GPHN: variants seen among roughly 807,000 people sequenced by gnomAD.
GPHN encodes gephyrin.
Under a neutral mutation model 95.5 loss-of-function variants are expected in GPHN, and 17 were observed. The ratio of observed to expected loss-of-function variants is 0.18; its 90% confidence interval spans 0.12 to 0.27. The LOEUF (loss-of-function observed/expected upper bound fraction) is 0.27. Ranked by LOEUF, GPHN falls within the 10% of genes least tolerant of loss-of-function variation. GPHN has a pLI of 1.00. For missense variants in GPHN, 660 were observed against 978.1 expected (o/e 0.67, Z 4.34); for synonymous variants, 320 against 322.5 (o/e 0.99, Z 0.08).
At chr14:67,639,715 G>A in the GPHN span, among the ~76,000 whole-genome samples, 1 of 152,100 alleles carries the variant, frequency 6.6e-6, no homozygotes, top group East Asian at 1.9e-4. Context: ...GCGGTCAGGA[G>A]TTCGAGACCA....
chr14:66,515,001 C>T (rs1182847124), intron 1 of GPHN, among the ~76,000 whole-genome samples: 10 of 151,894 alleles, frequency 6.6e-5, no homozygotes, highest in Non-Finnish European at 8.8e-5. Context: ...TTTTCTTCTC[C>T]GAAATGAAGA....
chr14:67,077,898 G>C (rs1266896939), intron 11 of GPHN, among the ~76,000 whole-genome samples: 1 of 152,132 alleles, frequency 6.6e-6, no homozygotes, highest in Non-Finnish European at 1.5e-5. Context: ...TCTACCGCCT[G>C]AGATCACTTA....
At chr14:67,353,161 A>G in the GPHN span, 1 of 716,188 alleles carries the variant, frequency 1.4e-6, no homozygotes. Context: ...GAGACTATAT[A>G]GAGAATTTGT....
chr14:67,476,864 G>A, the GPHN span, among the ~76,000 whole-genome samples: 4 of 152,018 alleles, frequency 2.6e-5, no homozygotes, highest in African/African-American at 7.2e-5. Context: ...AGTGGCTCAC[G>A]CCTGTAATCC....
chr14:66,896,489 G>C (rs1023797300), intron 5 of GPHN, among the ~76,000 whole-genome samples: 6 of 151,878 alleles, frequency 4.0e-5, no homozygotes, highest in African/African-American at 9.7e-5. Context: ...ATGATAGCAC[G>C]TGCCTGTAGC....
At chr14:66,984,082 CTTATTACTGTGTAA>C (rs2070863851) in intron 9 of GPHN, among the ~76,000 whole-genome samples, 1 of 152,132 alleles carries the variant, frequency 6.6e-6, no homozygotes, top group African/African-American at 2.4e-5. Context: ...ATGGTGTTCA[CTTATTACTGTGTAA>C]GTTCAGAACA....
At chr14:67,678,103 ACT>A in the GPHN span, 1 of 486,608 alleles carries the variant, frequency 2.1e-6, no homozygotes, top group Non-Finnish European at 3.7e-6. Context: ...ATCTCTAGTA[ACT>A]CTGGCAGTAA....
chr14:67,475,815 C>T, the GPHN span, among the ~76,000 whole-genome samples: 2 of 152,232 alleles, frequency 1.3e-5, no homozygotes, highest in Admixed American at 6.5e-5. Context: ...CCTCCACCAG[C>T]GACTGTCTGC....
intron 10 of GPHN, among the ~76,000 whole-genome samples, chr14:67,052,649 T>C (rs1277270444): frequency 6.6e-6 from 1 of 152,204 alleles, no homozygotes; most frequent in African/African-American, 2.4e-5. Flanking sequence ...TATATATTCT[T>C]CTTTGTGCCA....
the GPHN span, among the ~76,000 whole-genome samples, chr14:67,345,039 C>G: frequency 2.0e-5 from 3 of 151,570 alleles, no homozygotes; most frequent in Non-Finnish European, 4.4e-5. Context: ...CCCAGGAGTT[C>G]GAGACCAGCC....
At chr14:67,346,449 C>G in the GPHN span, among the ~76,000 whole-genome samples, 1 of 152,156 alleles carries the variant, frequency 6.6e-6, no homozygotes, top group Non-Finnish European at 1.5e-5. Flanking sequence ...GTAGCTGGGA[C>G]CACAGGCGCA....
the GPHN span, among the ~76,000 whole-genome samples, chr14:67,236,954 G>T: frequency 1.5e-4 from 23 of 152,106 alleles, no homozygotes; most frequent in South Asian, 2.1e-3. Context: ...AGCCGGGCAT[G>T]GTGGCAGGTG....
At chr14:67,343,155 T>C in the GPHN span, among the ~76,000 whole-genome samples, 3 of 152,210 alleles carry the variant, frequency 2.0e-5, no homozygotes, top group Non-Finnish European at 4.4e-5. Flanking sequence ...CACTTTCCTA[T>C]GTGTGTAACT....
intron 2 of GPHN, chr14:66,760,739 G>T: frequency 2.2e-6 from 1 of 461,264 alleles, no homozygotes; most frequent in South Asian, 1.7e-5. Context: ...TAATTCATTT[G>T]AATTTGAAAA....
chr14:67,081,264 C>A (rs548274542), intron 11 of GPHN, among the ~76,000 whole-genome samples: 1 of 152,222 alleles, frequency 6.6e-6, no homozygotes, highest in African/African-American at 2.4e-5. Flanking sequence ...ACATCCCCAC[C>A]AACATCTATT....
the GPHN span, among the ~76,000 whole-genome samples, chr14:67,424,345 C>G: frequency 6.6e-6 from 1 of 151,854 alleles, no homozygotes; most frequent in Admixed American, 6.6e-5. Context: ...GTGCCAGGCA[C>G]AGTGATTCAA....
At chr14:67,573,196 CTGGACCACT>C in the GPHN span, 5 of 842,504 alleles carry the variant, frequency 5.9e-6, no homozygotes, top group Non-Finnish European at 1.0e-5. The surrounding 1 kb of genome is among the most constrained non-coding windows in gnomAD (Gnocchi z 4.8). Context: ...AGTGAGGCAG[CTGGACCACT>C]TGGACCTGTG....
intron 21 of GPHN, among the ~76,000 whole-genome samples, chr14:67,175,921 T>C (rs1176593155): frequency 6.6e-6 from 1 of 152,208 alleles, no homozygotes. Flanking sequence ...TTTTTGCACA[T>C]TGATTTTGTA....
At chr14:66,924,717 T>C (rs980603100) in intron 8 of GPHN, among the ~76,000 whole-genome samples, 2 of 152,192 alleles carry the variant, frequency 1.3e-5, no homozygotes, top group East Asian at 1.9e-4. Context: ...TTTTGTCTTA[T>C]GATTTTGCAT....
Sources: gnomAD v4.1 joint callset for allele counts (sites outside exome capture counted in the v4.1 genomes callset) on GRCh38, gnomAD v4.1.1 for gene constraint, Gnocchi (gnomAD v3.1) non-coding constraint, MANE v1.5 for transcripts, NCBI Gene and HGNC (gene_info 2026-07-23, HGNC 2026-07-21) for gene names.